The following DNAH3 variants were observed in gnomAD, a reference collection of about 807,000 sequenced individuals.
The protein encoded by DNAH3 is dynein axonemal heavy chain 3.
Under a neutral mutation model 432.5 loss-of-function variants are expected in DNAH3, and 332 were observed. The ratio of observed to expected loss-of-function variants is 0.77; its 90% confidence interval spans 0.70 to 0.84. The LOEUF (loss-of-function observed/expected upper bound fraction) is 0.84. DNAH3 is among the 40% of genes least tolerant of loss of function. The pLI is 0.00. For synonymous variants in DNAH3, 1,956 were observed against 1,900.2 expected, an observed-to-expected ratio of 1.03 and a Z score of -0.76; for missense variants, 4,861 against 5,114.0, an observed-to-expected ratio of 0.95 and a Z score of 1.51.
chr16:21,104,369 C>A, intron 16 of DNAH3, 102 bp downstream of exon 16: 1 of 981,978 alleles, frequency 1.0e-6, no homozygotes, highest in Non-Finnish European at 1.6e-6. Context: ...CACACGTTGC[C>A]ATGGAGTGAG....
intron 52 of DNAH3, among the ~76,000 whole-genome samples, 176 bp downstream of exon 52, chr16:20,969,616 G>A (rs2085238035): frequency 6.6e-6 from 1 of 152,222 alleles, no homozygotes; most frequent in Non-Finnish European, 1.5e-5. Context: ...GAGGCCGCTG[G>A]AGAAGCCTGA....
In DNAH3 at chr16:21,098,746, A is replaced by G. The variant is rs776052644; in HGVS notation, c.2390T>C (p.Leu797Pro). 2 of 1,611,534 alleles carry G rather than the reference A, an allele frequency of 1.2e-6. No individual in the cohort carries two copies. Among genetic ancestry groups the G allele is most frequent in the Non-Finnish European group, 8.5e-7 (1 of 1,179,394 alleles). ...TTCCAGTTCTCTGTGGTAGCCCTCA[A>G]GTCTCAACTCAAATTCTGAGCATCT... is the stretch of plus-strand genomic sequence containing the variant. Residue 797 changes from leucine (L) to proline (P), a missense_variant, in exon 17 of 62, where the codon CTT becomes CCT. Transcript: ENST00000261383.
chr16:20,969,272 GTGTGCATGCA>G (rs1017193599), intron 52 of DNAH3, among the ~76,000 whole-genome samples: 9 of 150,428 alleles, frequency 6.0e-5, no homozygotes, highest in African/African-American at 1.7e-4. Context: ...GCATGTCTCT[GTGTGCATGCA>G]TGTGTGTGCA....
At chr16:21,000,347 A>C (rs574708828) in exon 43 of DNAH3, 1 of 1,614,180 alleles carries the variant, frequency 6.2e-7, no homozygotes, top group South Asian at 1.1e-5. Context: ...AAATTGATGC[A>C]GTTGGGTAGG....
At chr16:20,976,815 G>A (rs1045206776) in intron 50 of DNAH3, among the ~76,000 whole-genome samples, 1 of 152,200 alleles carries the variant, frequency 6.6e-6, no homozygotes, top group East Asian at 1.9e-4. Context: ...GCAGCCGTCT[G>A]CAAACCAGGG....
At chr16:21,070,208 A>G (rs1479646928) in intron 22 of DNAH3, among the ~76,000 whole-genome samples, 2 of 152,204 alleles carry the variant, frequency 1.3e-5, no homozygotes, top group Non-Finnish European at 2.9e-5. Flanking sequence ...TTTGGCAGAC[A>G]GTTGCAAAGG....
At chr16:21,045,295 A>G (rs1482661164) in intron 31 of DNAH3, among the ~76,000 whole-genome samples, 1 of 151,714 alleles carries the variant, frequency 6.6e-6, no homozygotes, top group Non-Finnish European at 1.5e-5. Flanking sequence ...CTGTGAATCC[A>G]TCTGGTCCTG....
At chr16:21,097,972 G>T (rs182605380) in intron 17 of DNAH3, among the ~76,000 whole-genome samples, 1 of 152,298 alleles carries the variant, frequency 6.6e-6, no homozygotes, top group East Asian at 1.9e-4. Context: ...CTAACCCAAA[G>T]ATGTGTTACA....
chr16:21,058,088 G>C (rs753843194), exon 27 of DNAH3: 47 of 1,567,368 alleles, frequency 3.0e-5, no homozygotes, highest in Non-Finnish European at 3.8e-5. Context: ...TCACTTACCA[G>C]TAAGGTATTT....
intron 16 of DNAH3, among the ~76,000 whole-genome samples, chr16:21,101,207 TAA>T (rs1282373708): frequency 6.6e-5 from 10 of 152,196 alleles, no homozygotes; most frequent in Admixed American, 3.9e-4. Context: ...TGTTTTATAA[TAA>T]AGTGTTGACT....
chr16:21,142,531 C>T (rs1035963859), intron 3 of DNAH3, among the ~76,000 whole-genome samples: 1 of 151,926 alleles, frequency 6.6e-6, no homozygotes. Context: ...TAGAAGGTAG[C>T]TACAATTAAT....
chr16:20,969,784 G>A lies in DNAH3; in HGVS notation c.8458+8C>T. 1 of 1,613,948 alleles carries A rather than the reference G, an allele frequency of 6.2e-7. No homozygotes were observed. On this transcript the variant is annotated splice_region_variant and intron_variant, in intron 52 of 61. Transcript: ENST00000261383. ...CCTGTGCAGGCATCTGGGTGGGGTG[G>A]CACTTACCGGAGCCACTGGGGTCTG...
chr16:20,970,954 G>T (rs371290671), intron 51 of DNAH3, among the ~76,000 whole-genome samples: 29 of 145,564 alleles, frequency 2.0e-4, no homozygotes, highest in African/African-American at 6.4e-4. Context: ...TGCAACCTCT[G>T]CTTCCCGGGT....
At chr16:20,986,946 A>G (rs1289675824) in intron 47 of DNAH3, among the ~76,000 whole-genome samples, 1 of 152,210 alleles carries the variant, frequency 6.6e-6, no homozygotes, top group Non-Finnish European at 1.5e-5. Flanking sequence ...CTTTCACTTG[A>G]GCTTTATAGG....
intron 41 of DNAH3, among the ~76,000 whole-genome samples, chr16:21,010,599 G>T (rs569147694): frequency 1.3e-5 from 2 of 152,246 alleles, no homozygotes; most frequent in South Asian, 2.1e-4. Context: ...GCACTTATTT[G>T]AGAGATCCAT....
intron 59 of DNAH3, 30 bp downstream of exon 59, chr16:20,941,371 C>A (rs1156844786): frequency 6.2e-7 from 1 of 1,612,762 alleles, no homozygotes; most frequent in Non-Finnish European, 8.5e-7. Flanking sequence ...GTTCCAACTC[C>A]CAGGATTCAA....
chr16:21,120,555 A>C, intron 11 of DNAH3: 1 of 615,914 alleles, frequency 1.6e-6, no homozygotes, highest in South Asian at 1.9e-5. Context: ...GAGATAAAAC[A>C]GTCTGAGGGG....
At chr16:20,990,882 G>C (rs1022814194) in intron 44 of DNAH3, among the ~76,000 whole-genome samples, 3 of 152,016 alleles carry the variant, frequency 2.0e-5, no homozygotes, top group Non-Finnish European at 4.4e-5. Flanking sequence ...TTAGCCAGGC[G>C]TGGTAGCGGG....
chr16:21,101,950 C>T (rs1040156584), intron 16 of DNAH3, among the ~76,000 whole-genome samples: 1 of 152,196 alleles, frequency 6.6e-6, no homozygotes, highest in East Asian at 1.9e-4. Flanking sequence ...GGAGAATAAT[C>T]GGCATGGAAC....
Sources: gnomAD v4.1 joint callset for allele counts (sites outside exome capture counted in the v4.1 genomes callset) on GRCh38, gnomAD v4.1.1 for gene constraint, MANE v1.5 for transcripts, NCBI Gene and HGNC (gene_info 2026-07-23, HGNC 2026-07-21) for gene names.